SCYL1: variants seen among roughly 807,000 people sequenced by gnomAD.
The protein encoded by SCYL1 is N-terminal kinase-like protein.
In SCYL1, 85 loss-of-function variants were observed where a neutral mutation model predicts 94.8. That is an observed-to-expected ratio of 0.90 (90% CI 0.75 to 1.07). The LOEUF is 1.07. Ranked by LOEUF, SCYL1 falls within the 50% of genes least tolerant of loss-of-function variation. The pLI is 0.00. For synonymous variants in SCYL1, 459 were observed against 435.5 expected (o/e 1.05, Z -0.67); for missense variants, 968 against 1,083.3 (o/e 0.89, Z 1.49).
At chr11:65,532,384 C>A (rs1855423402) in intron 8 of SCYL1, among the ~76,000 whole-genome samples, 1 of 149,780 alleles carries the variant, frequency 6.7e-6, no homozygotes, top group Non-Finnish European at 1.5e-5. Flanking sequence ...GAGATTGCGC[C>A]ACTGCACTCC....
At chr11:65,534,030 C>T (rs1403679467) in intron 9 of SCYL1, among the ~76,000 whole-genome samples, 1 of 152,096 alleles carries the variant, frequency 6.6e-6, no homozygotes, top group Non-Finnish European at 1.5e-5. Context: ...AGATCAAGAC[C>T]ATCCTGGCTA....
At chr11:65,529,928 C>G (rs1366403190) in intron 6 of SCYL1, among the ~76,000 whole-genome samples, 1 of 152,142 alleles carries the variant, frequency 6.6e-6, no homozygotes, top group African/African-American at 2.4e-5. Flanking sequence ...TTAGCACCTA[C>G]CTGGTAAAGT....
Position 65,526,150 on chromosome 11 carries a change from C to A in SCYL1, c.402C>A (p.Asp134Glu). The change falls in exon 4 of 18, where the codon GAC (aspartate) becomes GAA (glutamate). Residue 134 changes from aspartate to glutamate, a missense_variant. By Grantham distance (45) the Asp-to-Glu change is conservative (BLOSUM62 2). Transcript: ENST00000270176. This position sits in a 1 kb window ranked among gnomAD's most constrained non-coding sequence, Gnocchi z 4.1. ...AAGCCCTCAGCTTCCTGGTCAACGACTGCAGCCTCATCCACAACAATGTCT... is the reference window on the plus strand; with the variant it reads ...AAGCCCTCAGCTTCCTGGTCAACGAATGCAGCCTCATCCACAACAATGTCT... Reference protein sequence around the residue: ...IVKALSFLVNDCSLIHNNVCM... With the variant: ...IVKALSFLVNECSLIHNNVCM... 8.1e-6 allele frequency: 13 copies of A among 1,613,208 alleles called. No homozygotes were observed. Among genetic ancestry groups the A allele is most frequent in the Non-Finnish European group, 1.1e-5 (13 of 1,179,978 alleles).
intron 10 of SCYL1, 71 bp downstream of exon 10, chr11:65,535,453 T>C (rs1338980158): frequency 2.5e-6 from 4 of 1,569,502 alleles, no homozygotes; most frequent in Non-Finnish European, 3.5e-6. Flanking sequence ...GGGCCAGGAG[T>C]CTTGTGTGTG....
In SCYL1 at chr11:65,531,464, CT is replaced by C. The variant is rs545215133; in HGVS notation, c.1009-111del. 5,229 of 757,430 alleles carry C rather than the reference CT, an allele frequency of 6.9e-3. 8 individuals carry two copies. The highest frequency in any genetic ancestry group is 9.0e-3 in the Non-Finnish European group (3,930 of 438,234). 46.9% of individuals were successfully genotyped at this position (757,430 alleles called of 1,614,324 possible). ...CTACTGAGGAAATGCCTGCCCCCCCCTCCGCCATCACTTCATTCCCACCCTG... is the reference window on the plus strand; with the variant it reads ...CTACTGAGGAAATGCCTGCCCCCCCCCCGCCATCACTTCATTCCCACCCTG... On this transcript the variant is annotated intron_variant, in intron 7 of 17. Coordinates refer to ENST00000270176, the MANE Select transcript of SCYL1 (RefSeq NM_020680.4).
In SCYL1 at chr11:65,525,304, G is replaced by A; in HGVS notation, c.111+40G>A. On this transcript the variant is annotated intron_variant, in intron 1 of 17. Transcript: ENST00000270176. ...GCTCCGTAGGCCGCGGTCGACCTGG[G>A]CCTTGCCTATTCCGCGCCGCCGACC... is the stretch of plus-strand genomic sequence containing the variant. The A allele has an allele frequency of 2.2e-6, 3 of 1,350,300 alleles. No homozygotes were observed. The East Asian group carries it at 8.7e-5, about 39-fold the overall frequency. The allele number at this position is 1,350,300 out of a possible 1,614,324, so 83.6% of individuals were successfully genotyped here.
rs369392939 is a variant in SCYL1, at chr11:65,525,987, G to T, written c.319G>T (p.Val107Leu). The change falls in exon 3 of 18, where the codon GTG (valine) becomes TTG (leucine). Residue 107 changes from valine (V) to leucine (L), a missense_variant. Val to Leu is a conservative substitution (Grantham distance 32). Coordinates refer to ENST00000270176, the MANE Select transcript of SCYL1 (RefSeq NM_020680.4). The part of the protein sequence containing the change: ...TPLGIYLKAR[V>L]EAGGLKELEI... ...GTTGGGAATATACCTCAAGGCGAGA[G>T]TGGAGGCTGGTGGCCTGAAGGAGCT... 21 of 1,613,482 alleles carry T rather than the reference G, an allele frequency of 1.3e-5. No individual in the cohort carries two copies. Among genetic ancestry groups the T allele is most frequent in the Non-Finnish European group, 1.8e-5 (21 of 1,179,994 alleles).
Position 65,532,675 on chromosome 11 carries a change from C to T in SCYL1, c.1117-17C>T. 1 of 1,600,716 alleles carries T rather than the reference C, an allele frequency of 6.2e-7. No homozygotes were observed. On this transcript the variant is annotated splice_polypyrimidine_tract_variant and intron_variant, in intron 8 of 17. Coordinates refer to ENST00000270176, the MANE Select transcript of SCYL1 (RefSeq NM_020680.4). ...GGAAGGGCTGACCATGTTGACGCAT[C>T]CCAACCTGGGCCACAGATGGAGCAG...
Position 65,528,014 on chromosome 11 carries a change from A to AG in SCYL1, c.849+903dup, listed in dbSNP as rs777895874. Among the ~76,000 whole-genome samples, 40 of 152,180 alleles carry AG rather than the reference A, an allele frequency of 2.6e-4. 2 individuals carry two copies. Among genetic ancestry groups the AG allele is most frequent in the East Asian group, 1.7e-3 (9 of 5,206 alleles). ...GGGTGTAACACCCTGTACTGGCTGC[A>AG]GGGGGGTGGGCAGCACGGTGTGGAG... On this transcript the variant is annotated intron_variant, in intron 6 of 17. Coordinates refer to ENST00000270176, the MANE Select transcript of SCYL1 (RefSeq NM_020680.4).
Position 65,530,679 on chromosome 11 carries a change from C to T in SCYL1, c.900C>T (p.Ser300=). The stretch of plus-strand genomic sequence containing the variant: ...AATTCTTCCAGGAGCTGAGCAAGAG[C>T]CTGGACGCATTCCCTGAGGATTTCT... ...KQKFFQELSK[S]LDAFPEDFCR... The change falls in exon 7 of 18, where the codon AGC becomes AGT. Residue 300 remains serine (S), a synonymous_variant. Transcript: ENST00000270176. 6.2e-7 allele frequency: 1 copy of T among 1,614,106 alleles called. No homozygotes were observed. The highest frequency in any genetic ancestry group is 8.5e-7 in the Non-Finnish European group (1 of 1,180,010).
chr11:65,536,944 C>G, intron 13 of SCYL1, 42 bp from the exon 14 acceptor site: 8 of 1,548,672 alleles, frequency 5.2e-6, no homozygotes, highest in Non-Finnish European at 7.1e-6. Flanking sequence ...TCTGCCCTGT[C>G]CCAAGACCCC....
At position 65,527,066 on chromosome 11, in the gene SCYL1, C is replaced by G. The variant is rs1261888646; in HGVS notation, c.798C>G (p.Gly266=). 1 of 1,613,644 alleles carries G rather than the reference C, an allele frequency of 6.2e-7. No individual in the cohort carries two copies. Among genetic ancestry groups the G allele is most frequent in the Admixed American group, 1.7e-5 (1 of 60,018 alleles). ...TGCAGAACTGCCGGGCACCTGGTGG[C>G]TTCATGAGCAACCGCTTTGTAGAAA... ...RFLQNCRAPG[G]FMSNRFVETN... The change falls in exon 6 of 18, where the codon GGC becomes GGG. Residue 266 remains glycine (G), a synonymous_variant. Coordinates refer to ENST00000270176, the MANE Select transcript of SCYL1 (RefSeq NM_020680.4).
rs1291075842 is a variant in SCYL1 at position 65,535,248 on chromosome 11, A to G, written c.1252A>G (p.Lys418Glu). The G allele has an allele frequency of 1.2e-6, 2 of 1,614,122 alleles. No homozygotes were observed. Among genetic ancestry groups the G allele is most frequent in the Admixed American group, 1.7e-5 (1 of 60,022 alleles). Reference protein sequence around the residue: ...TVKSMLLLAPKLNEANLNVEL... With the variant: ...TVKSMLLLAPELNEANLNVEL... ...ACAGTCCATGCTGCTCCTGGCCCCAAAGCTGAACGAGGCCAACCTCAATGT... is the reference window on the plus strand; with the variant it reads ...ACAGTCCATGCTGCTCCTGGCCCCAGAGCTGAACGAGGCCAACCTCAATGT... Residue 418 changes from lysine to glutamate, a missense_variant, in exon 10 of 18, where the codon AAG becomes GAG. This residue lies in a region of SCYL1 where 494 missense variants were observed against 619.7 expected (regional missense o/e 0.80). Coordinates refer to ENST00000270176, the MANE Select transcript of SCYL1 (RefSeq NM_020680.4).
At chr11:65,532,311 G>A (rs2135063580) in intron 8 of SCYL1, among the ~76,000 whole-genome samples, 1 of 152,028 alleles carries the variant, frequency 6.6e-6, no homozygotes, top group South Asian at 2.1e-4. Context: ...TGTAATCCCA[G>A]CTGCTCAGGA....
chr11:65,538,489 C>A lies in SCYL1; in HGVS notation c.2350C>A (p.Arg784=). 2 of 1,596,508 alleles carry A rather than the reference C, an allele frequency of 1.3e-6. No homozygotes were observed. Among genetic ancestry groups the A allele is most frequent in the African/African-American group, 2.7e-5 (2 of 74,678 alleles). ...CCGGAAGAAGCGCGAGGAGCGGCGG[C>A]GGGAGATGGAGGCCAAACGCGCCGA... ...LARKKREERR[R]EMEAKRAERK... Residue 784 remains arginine, a synonymous_variant, in exon 18 of 18, where the codon CGG becomes AGG. Transcript: ENST00000270176.
chr11:65,538,255 C>T lies in SCYL1; in HGVS notation c.2248-15C>T, dbSNP rs1306319822. The T allele has an allele frequency of 6.4e-7, 1 of 1,553,984 alleles. No homozygotes were observed. Among genetic ancestry groups the T allele is most frequent in the Admixed American group, 2.0e-5 (1 of 51,200 alleles). On this transcript the variant is annotated splice_polypyrimidine_tract_variant and intron_variant, in intron 16 of 17. Coordinates refer to ENST00000270176, the MANE Select transcript of SCYL1 (RefSeq NM_020680.4). ...CAGAAGTGGGCCCCACTGCAGCCCACACTTCTCTTTACAGCCGAGGCCAGA... is the reference window on the plus strand; with the variant it reads ...CAGAAGTGGGCCCCACTGCAGCCCATACTTCTCTTTACAGCCGAGGCCAGA...
chr11:65,525,621 C>G lies in SCYL1; in HGVS notation c.159C>G (p.Gly53=). 6.2e-7 allele frequency: 1 copy of G among 1,612,736 alleles called. No individual in the cohort carries two copies. Among genetic ancestry groups the G allele is most frequent in the South Asian group, 1.1e-5 (1 of 91,072 alleles). ...TCTTCGTCTATGATGTGAAGCCTGG[C>G]GCGGAAGAGCAGACCCAGGTGGCCA... The part of the protein sequence containing the change: ...VSIFVYDVKP[G]AEEQTQVAKA... Residue 53 remains glycine, a synonymous_variant, in exon 2 of 18, where the codon GGC becomes GGG. Transcript: ENST00000270176.
intron 6 of SCYL1, among the ~76,000 whole-genome samples, chr11:65,528,926 A>T (rs185656483): frequency 1.8e-4 from 27 of 152,330 alleles, no homozygotes; most frequent in African/African-American, 6.5e-4. Flanking sequence ...AGGCGACAGC[A>T]CGTGGAGAGA....
In SCYL1 at chr11:65,534,156, C is replaced by T. The variant is rs192261399; in HGVS notation, c.1231-1071C>T. On this transcript the variant is annotated intron_variant, in intron 9 of 17. Transcript: ENST00000270176. ...TGAGGCAGGAGAATGGTGTGAACCT[C>T]GGAGATGGAGCTTGCAGTGAGCCGA... Among the ~76,000 whole-genome samples the T allele has an allele frequency of 4.5e-3, 683 of 150,158 alleles. 2 individuals are homozygous for T. Among genetic ancestry groups the T allele is most frequent in the Non-Finnish European group, 8.0e-3 (542 of 67,482 alleles).
Sources: gnomAD v4.1 joint callset for allele counts (sites outside exome capture counted in the v4.1 genomes callset) on GRCh38, gnomAD v4.1.1 for gene constraint, gnomAD v4.1.1 regional missense constraint, Gnocchi (gnomAD v3.1) non-coding constraint, MANE v1.5 for transcripts, NCBI Gene and HGNC (gene_info 2026-07-23, HGNC 2026-07-21) for gene names.